SOS1: variants seen among roughly 807,000 people sequenced by gnomAD.
SOS1 encodes SOS Ras/Rac guanine nucleotide exchange factor 1.
A neutral mutation model predicts 157.6 loss-of-function variants in SOS1; 25 were observed. That is an observed-to-expected ratio of 0.16 (90% confidence interval 0.12 to 0.22). The LOEUF (loss-of-function observed/expected upper bound fraction) is 0.22. SOS1 is among the 10% of genes least tolerant of loss of function. SOS1 has a pLI of 1.00. For missense variants in SOS1, 1,237 were observed against 1,599.1 expected (o/e 0.77, Z 3.86); for synonymous variants, 528 against 534.0 (o/e 0.99, Z 0.16).
chr2:38,998,046 C>T (rs986521384), intron 17 of SOS1, among the ~76,000 whole-genome samples: 23 of 152,228 alleles, frequency 1.5e-4, no homozygotes, highest in Non-Finnish European at 2.4e-4. Flanking sequence ...GGACTGCATA[C>T]GATTTATGTA....
At chr2:39,122,378 CG>C (rs1401652791), upstream of SOS1, among the ~76,000 whole-genome samples, 2 of 151,348 alleles carry the variant, frequency 1.3e-5, no homozygotes, top group Admixed American at 6.6e-5. Context: ...TGCAGTGAGC[CG>C]GGATCATGCC....
chr2:39,081,181 A>G (rs1455965627), intron 1 of SOS1, among the ~76,000 whole-genome samples: 2 of 151,990 alleles, frequency 1.3e-5, no homozygotes, highest in Admixed American at 1.3e-4. Context: ...ACAAAAAATA[A>G]TTTTTGTAGC....
At chr2:39,086,028 C>T (rs1310651929) in intron 1 of SOS1, among the ~76,000 whole-genome samples, 1 of 152,182 alleles carries the variant, frequency 6.6e-6, no homozygotes, top group East Asian at 1.9e-4. Flanking sequence ...GAGTGTAACC[C>T]TGCACGAATT....
At chr2:39,018,664 TTTTA>T (rs1309653044) in intron 10 of SOS1, among the ~76,000 whole-genome samples, 6 of 151,774 alleles carry the variant, frequency 4.0e-5, no homozygotes, top group Middle Eastern at 3.2e-3. Context: ...TGACATGACA[TTTTA>T]TTTGACAAGG....
At chr2:39,122,379 G>A (rs1057149191), upstream of SOS1, among the ~76,000 whole-genome samples, 4 of 151,622 alleles carry the variant, frequency 2.6e-5, no homozygotes, top group African/African-American at 4.8e-5. Flanking sequence ...GCAGTGAGCC[G>A]GGATCATGCC....
chr2:39,091,757 A>G lies in SOS1; in HGVS notation c.88-24004T>C, dbSNP rs568785969. Among the ~76,000 whole-genome samples, 8 of 152,232 alleles carry G rather than the reference A, an allele frequency of 5.3e-5. No individual in the cohort carries two copies. In the South Asian group the frequency reaches 1.0e-3, roughly 20 times the overall value. Reference sequence around the variant, plus strand: ...CATGGTCACCAGGGGATGCCATTCTATAATACGGCCAGGACTAAATCCCTG... The same window carrying G: ...CATGGTCACCAGGGGATGCCATTCTGTAATACGGCCAGGACTAAATCCCTG... On this transcript the variant is annotated intron_variant, in intron 1 of 22. Coordinates refer to ENST00000402219, the MANE Select transcript of SOS1 (RefSeq NM_005633.4).
chr2:38,988,282 T>C (rs1668612347), intron 21 of SOS1, among the ~76,000 whole-genome samples: 1 of 152,204 alleles, frequency 6.6e-6, no homozygotes, highest in African/African-American at 2.4e-5. Context: ...CTAGTGAATC[T>C]GATTTAAGAA....
rs1410850481 is a variant in SOS1 at position 39,112,711 on chromosome 2, T to TA, written c.87+7624dup. 4.6e-5 allele frequency among the ~76,000 whole-genome samples: 7 copies of TA among 152,210 alleles called. No individual in the cohort carries two copies. The East Asian group carries it at 9.6e-4, about 21-fold the overall frequency. Reference sequence around the variant, plus strand: ...TACTACTTTCCTTTTCTTCACTCTGTAAAAAAAATTTGCCTTTCATTTCAT... The same window carrying TA: ...TACTACTTTCCTTTTCTTCACTCTGTAAAAAAAAATTTGCCTTTCATTTCAT... On this transcript the variant is annotated intron_variant, in intron 1 of 22. Coordinates refer to ENST00000402219, the MANE Select transcript of SOS1 (RefSeq NM_005633.4).
At chr2:38,989,240 A>T (rs1033946425) in intron 21 of SOS1, 30 bp downstream of exon 21, 2 of 1,512,478 alleles carry the variant, frequency 1.3e-6, no homozygotes, top group African/African-American at 1.4e-5. Flanking sequence ...CCAAAGCAAG[A>T]ATTATGAGTC....
chr2:39,002,054 C>G (rs960443718), intron 17 of SOS1, among the ~76,000 whole-genome samples: 3 of 152,178 alleles, frequency 2.0e-5, no homozygotes, highest in Admixed American at 2.0e-4. Context: ...CAGTGGCTCA[C>G]GCCTGTAATC....
At chr2:39,073,079 G>C (rs925108694) in intron 1 of SOS1, among the ~76,000 whole-genome samples, 1 of 152,168 alleles carries the variant, frequency 6.6e-6, no homozygotes, top group African/African-American at 2.4e-5. Context: ...CCATGAGATA[G>C]TGTTACAGCC....
Position 39,114,236 on chromosome 2 carries a change from C to CAG in SOS1, c.87+6098_87+6099dup, listed in dbSNP as rs1254723893. Among the ~76,000 whole-genome samples, 11 of 152,220 alleles carry CAG rather than the reference C, an allele frequency of 7.2e-5. No individual in the cohort carries two copies. In the South Asian group the frequency reaches 1.7e-3, roughly 23 times the overall value. ...TCAGCCTCCTGAGTAGCCAGGACCA[C>CAG]AGGTGCGTGCCACCAAGCCTGGCTA... On this transcript the variant is annotated intron_variant, in intron 1 of 22. Transcript: ENST00000402219.
intron 2 of SOS1, among the ~76,000 whole-genome samples, chr2:39,064,418 A>T (rs1182925087): frequency 6.6e-6 from 1 of 152,206 alleles, no homozygotes; most frequent in Non-Finnish European, 1.5e-5. Context: ...GGTGCCTTAC[A>T]TTCTTTTATC....
chr2:39,114,446 G>A (rs111877288), intron 1 of SOS1, among the ~76,000 whole-genome samples: 11 of 152,200 alleles, frequency 7.2e-5, no homozygotes, highest in African/African-American at 2.6e-4. Context: ...TAGGATTACA[G>A]GCATGCGCCA....
chr2:39,055,834 C>A (rs879644604), intron 4 of SOS1, among the ~76,000 whole-genome samples: 1 of 152,152 alleles, frequency 6.6e-6, no homozygotes, highest in Non-Finnish European at 1.5e-5. Flanking sequence ...GGCTTTGAAA[C>A]TTCTCAGAAA....
intron 10 of SOS1, among the ~76,000 whole-genome samples, chr2:39,015,757 C>G (rs1224002815): frequency 6.9e-6 from 1 of 145,982 alleles, no homozygotes; most frequent in East Asian, 2.1e-4. Flanking sequence ...AAATCACTCA[C>G]TTCTATAACT....
chr2:39,093,603 A>G (rs187348185), intron 1 of SOS1, among the ~76,000 whole-genome samples: 15 of 152,358 alleles, frequency 9.8e-5, no homozygotes, highest in African/African-American at 3.6e-4. Flanking sequence ...AGAGGGAATG[A>G]CAAGCACAGA....
chr2:39,035,005 TA>T (rs1212422971), intron 8 of SOS1: 1 of 627,968 alleles, frequency 1.6e-6, no homozygotes, highest in East Asian at 2.9e-5. Flanking sequence ...ACAAAAAAAT[TA>T]AAAAACAACA....
At chr2:39,095,910 A>G (rs1298823312) in intron 1 of SOS1, among the ~76,000 whole-genome samples, 1 of 152,230 alleles carries the variant, frequency 6.6e-6, no homozygotes, top group Admixed American at 6.5e-5. Flanking sequence ...GGTGCTTTCA[A>G]TCTCTTTTTA....
Sources: gnomAD v4.1 joint callset for allele counts (sites outside exome capture counted in the v4.1 genomes callset) on GRCh38, gnomAD v4.1.1 for gene constraint, MANE v1.5 for transcripts, NCBI Gene and HGNC (gene_info 2026-07-23, HGNC 2026-07-21) for gene names.